Variants in PLEKHM3 observed in about 807,000 individuals in gnomAD.
PLEKHM3 encodes the protein pleckstrin homology domain containing M3, also known as pleckstrin homology domain-containing family M member 3.
In PLEKHM3, 45 loss-of-function variants were observed where a neutral mutation model predicts 81.8. That is an observed-to-expected ratio of 0.55 (90% confidence interval 0.43 to 0.71). PLEKHM3 has a LOEUF of 0.71. PLEKHM3 is among the 30% of genes least tolerant of loss of function. The pLI, the probability that PLEKHM3 is intolerant of heterozygous loss-of-function variation, is 0.00. For missense variants in PLEKHM3, 788 were observed against 924.3 expected (o/e 0.85, Z 1.91); for synonymous variants, 352 against 356.4 (o/e 0.99, Z 0.14).
In PLEKHM3 at chr2:207,828,247, G is replaced by T; in HGVS notation, c.*72C>A. The T allele has an allele frequency of 1.3e-6, 2 of 1,498,886 alleles. No homozygotes were observed. Among genetic ancestry groups the T allele is most frequent in the Non-Finnish European group, 1.8e-6 (2 of 1,108,154 alleles). 92.8% of individuals were successfully genotyped at this position (1,498,886 alleles called of 1,614,324 possible). Reference sequence around the variant, plus strand: ...CTCTTCTTCCAAAGGGGTCTAACTGGCTAGTTAGGAGGCCGCTCTGGGGCT... The same window carrying T: ...CTCTTCTTCCAAAGGGGTCTAACTGTCTAGTTAGGAGGCCGCTCTGGGGCT... On this transcript the variant is annotated 3_prime_UTR_variant, in exon 8 of 8. Coordinates refer to ENST00000427836, the MANE Select transcript of PLEKHM3 (RefSeq NM_001080475.3).
chr2:207,973,528 C>A (rs1048173879), intron 3 of PLEKHM3, among the ~76,000 whole-genome samples: 2 of 152,118 alleles, frequency 1.3e-5, no homozygotes, highest in African/African-American at 2.4e-5. Flanking sequence ...CACCTGAGGT[C>A]GGGAGTTTGA....
intron 1 of PLEKHM3, among the ~76,000 whole-genome samples, chr2:208,017,074 A>T (rs1210201763): frequency 3.3e-5 from 5 of 152,182 alleles, no homozygotes; most frequent in African/African-American, 1.2e-4. Context: ...AGTATTCAGC[A>T]TTTAGCAAAC....
chr2:207,885,944 T>C (rs1316474721), intron 6 of PLEKHM3, among the ~76,000 whole-genome samples: 2 of 152,186 alleles, frequency 1.3e-5, no homozygotes, highest in Non-Finnish European at 2.9e-5. Flanking sequence ...CATTCAAGAA[T>C]GCTTAGGCAA....
At chr2:207,899,870 C>T (rs770177443) in intron 6 of PLEKHM3, among the ~76,000 whole-genome samples, 32 of 152,250 alleles carry the variant, frequency 2.1e-4, no homozygotes, top group Non-Finnish European at 4.0e-4. Context: ...AAGTTCTCTT[C>T]CTAGTCCTCT....
chr2:208,002,584 G>GTC (rs1298423085), intron 1 of PLEKHM3, among the ~76,000 whole-genome samples: 1 of 152,152 alleles, frequency 6.6e-6, no homozygotes, highest in Non-Finnish European at 1.5e-5. Flanking sequence ...TATGGGTCCA[G>GTC]TCTGCAGGGT....
At chr2:207,921,043 T>A (rs1689164970) in intron 5 of PLEKHM3, among the ~76,000 whole-genome samples, 1 of 150,520 alleles carries the variant, frequency 6.6e-6, no homozygotes, top group Non-Finnish European at 1.5e-5. Flanking sequence ...CCCTCCCTCC[T>A]TCCCTCCCTT....
chr2:207,866,686 C>T (rs1380219468), intron 6 of PLEKHM3, among the ~76,000 whole-genome samples: 1 of 152,140 alleles, frequency 6.6e-6, no homozygotes, highest in Non-Finnish European at 1.5e-5. Context: ...CATGCTTGCT[C>T]TTGCTCCTGT....
chr2:207,957,326 T>C (rs1690547972), intron 3 of PLEKHM3, among the ~76,000 whole-genome samples: 1 of 152,216 alleles, frequency 6.6e-6, no homozygotes, highest in South Asian at 2.1e-4. Context: ...TATCAAATGA[T>C]GGTTGGTGAA....
intron 6 of PLEKHM3, among the ~76,000 whole-genome samples, chr2:207,894,556 G>A (rs1414187730): frequency 6.7e-6 from 1 of 149,386 alleles, no homozygotes; most frequent in Non-Finnish European, 1.5e-5. Flanking sequence ...TTTCAGAAAT[G>A]GTGGTGGTTG....
At chr2:207,831,642 G>A (rs1377132733) in intron 7 of PLEKHM3, among the ~76,000 whole-genome samples, 3 of 152,150 alleles carry the variant, frequency 2.0e-5, no homozygotes, top group African/African-American at 4.8e-5. Flanking sequence ...CTGCGACGCC[G>A]CCCCTCACAG....
At chr2:207,956,216 T>C (rs189749895) in intron 3 of PLEKHM3, among the ~76,000 whole-genome samples, 123 of 152,148 alleles carry the variant, frequency 8.1e-4, no homozygotes, top group Non-Finnish European at 1.4e-3. Context: ...TAATAAGATA[T>C]AGCACTTTGG....
Position 207,861,723 on chromosome 2 carries a change from T to TA in PLEKHM3, c.1951-462dup, listed in dbSNP as rs143608949. ...TTTTTCACCATCTTCCCCAAGAACA[T>TA]AGAGTAAATGGGGAAAAATAGGTTT... On this transcript the variant is annotated intron_variant, in intron 6 of 7. Coordinates refer to ENST00000427836, the MANE Select transcript of PLEKHM3 (RefSeq NM_001080475.3). Among the ~76,000 whole-genome samples the TA allele has an allele frequency of 4.9e-3, 746 of 152,234 alleles. 6 individuals carry two copies. The highest frequency in any genetic ancestry group is 0.017 in the African/African-American group (706 of 41,526).
At chr2:207,957,791 G>A (rs534844173) in intron 3 of PLEKHM3, among the ~76,000 whole-genome samples, 3 of 152,264 alleles carry the variant, frequency 2.0e-5, no homozygotes, top group Admixed American at 1.3e-4. Context: ...GTGAGAAAAA[G>A]CTAGATGAAG....
At chr2:207,917,861 A>G (rs1008634673) in intron 5 of PLEKHM3, among the ~76,000 whole-genome samples, 1 of 152,146 alleles carries the variant, frequency 6.6e-6, no homozygotes, top group Non-Finnish European at 1.5e-5. Flanking sequence ...TTCTGCCCTA[A>G]GAGACATGTT....
intron 4 of PLEKHM3, 36 bp from the exon 5 acceptor site, chr2:207,931,155 G>T (rs2105941246): frequency 6.4e-7 from 1 of 1,556,736 alleles, no homozygotes; most frequent in Non-Finnish European, 8.7e-7. Context: ...TCCTGGAGAA[G>T]CACCTGGCTC....
At chr2:207,918,362 A>C (rs956886946) in intron 5 of PLEKHM3, among the ~76,000 whole-genome samples, 1 of 152,156 alleles carries the variant, frequency 6.6e-6, no homozygotes, top group Non-Finnish European at 1.5e-5. Flanking sequence ...CTCTACTAAA[A>C]ATACAAAAAA....
intron 7 of PLEKHM3, among the ~76,000 whole-genome samples, chr2:207,855,432 A>C (rs2092432826): frequency 6.6e-6 from 1 of 152,230 alleles, no homozygotes; most frequent in Admixed American, 6.5e-5. Context: ...AGTGAGGAAG[A>C]GACAGATCTC....
At chr2:208,021,126 T>C (rs1434752772) in intron 1 of PLEKHM3, among the ~76,000 whole-genome samples, 1 of 152,246 alleles carries the variant, frequency 6.6e-6, no homozygotes, top group Non-Finnish European at 1.5e-5. Flanking sequence ...AAGTATCTCA[T>C]AAATATTCAG....
At chr2:207,981,801 T>C (rs1691533844) in intron 2 of PLEKHM3, among the ~76,000 whole-genome samples, 2 of 152,256 alleles carry the variant, frequency 1.3e-5, no homozygotes, top group Admixed American at 6.5e-5. Context: ...TTTAAAGTAT[T>C]CAATTTCATA....
Sources: allele counts gnomAD v4.1 joint callset (sites outside exome capture counted in the v4.1 genomes callset), GRCh38; gene constraint gnomAD v4.1.1; transcripts MANE v1.5; gene names NCBI Gene and HGNC (gene_info 2026-07-23, HGNC 2026-07-21).